Variants in SGCZ observed in about 807,000 individuals in gnomAD.
SGCZ encodes sarcoglycan zeta.
In SGCZ, 40 loss-of-function variants were observed where a neutral mutation model predicts 41.3. That is an observed-to-expected ratio of 0.97 (90% CI 0.75 to 1.26). The LOEUF (loss-of-function observed/expected upper bound fraction) is 1.26, where lower values mean the gene tolerates loss of function less well. SGCZ is among the 50% of genes most tolerant of loss of function. The pLI is 0.00. For synonymous variants in SGCZ, 206 were observed against 137.5 expected (o/e 1.50, Z -3.49); for missense variants, 552 against 369.8 (o/e 1.49, Z -4.04).
intron 5 of SGCZ, among the ~76,000 whole-genome samples, chr8:14,149,705 A>G (rs915547915): frequency 2.7e-4 from 41 of 152,042 alleles, no homozygotes; most frequent in African/African-American, 9.2e-4. Context: ...CCACAAGAAA[A>G]TCCAGGATAG....
At chr8:14,124,324 A>G (rs1802787810) in intron 5 of SGCZ, among the ~76,000 whole-genome samples, 1 of 152,102 alleles carries the variant, frequency 6.6e-6, no homozygotes, top group African/African-American at 2.4e-5. Context: ...CTGTGAAATG[A>G]CAGATTGCCT....
At chr8:14,157,365 AGT>A (rs1276673001) in intron 5 of SGCZ, among the ~76,000 whole-genome samples, 273 of 89,326 alleles carry the variant, frequency 3.1e-3, no homozygotes, top group Middle Eastern at 0.021. Flanking sequence ...TGTGTGTGTG[AGT>A]GTGTGTGTGT....
At chr8:14,204,224 A>C (rs915217221) in intron 4 of SGCZ, among the ~76,000 whole-genome samples, 1 of 151,654 alleles carries the variant, frequency 6.6e-6, no homozygotes, top group Non-Finnish European at 1.5e-5. Context: ...TTTGTGTCAT[A>C]TCTGTTGCTT....
intron 7 of SGCZ, among the ~76,000 whole-genome samples, chr8:14,100,595 TTTTA>T (rs1209629444): frequency 1.4e-5 from 2 of 138,776 alleles, no homozygotes; most frequent in Non-Finnish European, 3.1e-5. Flanking sequence ...ATATATTATA[TTTTA>T]TTAATTTATA....
At chr8:14,621,895 C>T (rs13258861) in intron 1 of SGCZ, among the ~76,000 whole-genome samples, 22,074 of 152,026 alleles carry the variant, frequency 0.15, 2,060 homozygotes, top group South Asian at 0.22. Flanking sequence ...CTCTGTCATA[C>T]ACTTATATCT....
chr8:15,061,903 T>C (rs1001101034), intron 1 of SGCZ, among the ~76,000 whole-genome samples: 2 of 152,180 alleles, frequency 1.3e-5, no homozygotes, highest in African/African-American at 2.4e-5. Context: ...CACAAAGCTA[T>C]TTTCATCCTC....
intron 1 of SGCZ, among the ~76,000 whole-genome samples, chr8:15,118,185 A>G (rs1025443888): frequency 6.6e-6 from 1 of 152,250 alleles, no homozygotes; most frequent in African/African-American, 2.4e-5. Context: ...CAACAACTAA[A>G]TCAGAAAAGC....
intron 1 of SGCZ, among the ~76,000 whole-genome samples, chr8:14,587,288 G>C (rs188185361): frequency 6.8e-4 from 97 of 142,086 alleles, no homozygotes; most frequent in African/African-American, 1.8e-3. Context: ...TGAAAAAAAT[G>C]TTTAATTAAA....
chr8:14,387,216 C>G (rs188480307), intron 2 of SGCZ, among the ~76,000 whole-genome samples: 9 of 152,194 alleles, frequency 5.9e-5, no homozygotes, highest in African/African-American at 2.2e-4. Flanking sequence ...CACGACTAAC[C>G]TTTAAATTTG....
intron 1 of SGCZ, among the ~76,000 whole-genome samples, chr8:15,071,656 A>C (rs1411397421): frequency 2.0e-5 from 3 of 152,192 alleles, no homozygotes; most frequent in African/African-American, 7.2e-5. Flanking sequence ...CAATATAGAC[A>C]ACTTCTGAAA....
intron 1 of SGCZ, among the ~76,000 whole-genome samples, chr8:14,745,626 T>C (rs543665244): frequency 1.3e-5 from 2 of 152,114 alleles, no homozygotes; most frequent in African/African-American, 4.8e-5. Context: ...TGTGTATGTA[T>C]GTACATATAT....
intron 2 of SGCZ, among the ~76,000 whole-genome samples, chr8:14,392,310 C>A (rs1412856693): frequency 6.6e-6 from 1 of 152,072 alleles, no homozygotes; most frequent in Non-Finnish European, 1.5e-5. Context: ...AAATAGGTGG[C>A]CTTCTAGCTT....
intron 2 of SGCZ, among the ~76,000 whole-genome samples, chr8:14,486,342 G>C (rs888298409): frequency 6.6e-6 from 1 of 152,156 alleles, no homozygotes; most frequent in Admixed American, 6.5e-5. Flanking sequence ...TCTGGGAGAA[G>C]AAATGGAGCA....
At chr8:14,583,476 G>C (rs1263290108) in intron 1 of SGCZ, among the ~76,000 whole-genome samples, 1 of 151,974 alleles carries the variant, frequency 6.6e-6, no homozygotes, top group African/African-American at 2.4e-5. Context: ...TCTGATGGTA[G>C]TTTCTTTTGC....
intron 1 of SGCZ, among the ~76,000 whole-genome samples, chr8:14,761,041 C>T (rs1438551039): frequency 2.0e-5 from 3 of 152,152 alleles, no homozygotes; most frequent in African/African-American, 4.8e-5. Context: ...ACAATCCAAT[C>T]ATGAATATAA....
Position 14,177,726 on chromosome 8 carries a change from G to A in SGCZ, c.425-13024C>T, listed in dbSNP as rs1423214663. On this transcript the variant is annotated intron_variant, in intron 4 of 7. Transcript: ENST00000382080. ...TTTTTAGTAGAGACGGGGTTTCACC[G>A]TGTTAGCCAGGATGGTCTCGATCTC... Among the ~76,000 whole-genome samples the A allele has an allele frequency of 6.0e-5, 8 of 133,870 alleles. No homozygotes were observed. In the South Asian group the frequency reaches 9.2e-4, roughly 15 times the overall value. 87.8% of individuals were successfully genotyped at this position (133,870 alleles called of 152,430 possible).
At chr8:14,113,985 G>C (rs1453262319) in intron 5 of SGCZ, among the ~76,000 whole-genome samples, 1 of 151,832 alleles carries the variant, frequency 6.6e-6, no homozygotes, top group Non-Finnish European at 1.5e-5. Context: ...ACATTTTCTT[G>C]GTTCTTGCCG....
chr8:15,189,976 C>T (rs552993), intron 1 of SGCZ, among the ~76,000 whole-genome samples: 21,204 of 152,154 alleles, frequency 0.14, 1,625 homozygotes, highest in African/African-American at 0.19. Context: ...GTATTTCAGA[C>T]CCATAATAAC....
chr8:14,401,557 G>T (rs867194007), intron 2 of SGCZ, among the ~76,000 whole-genome samples: 1 of 149,872 alleles, frequency 6.7e-6, no homozygotes, highest in Non-Finnish European at 1.5e-5. Context: ...TTGTTCTTGC[G>T]ATAGTTTACT....
Sources: allele counts gnomAD v4.1 joint callset (sites outside exome capture counted in the v4.1 genomes callset), GRCh38; gene constraint gnomAD v4.1.1; transcripts MANE v1.5; gene names NCBI Gene and HGNC (gene_info 2026-07-23, HGNC 2026-07-21).